Variants in SLC16A12 observed in about 807,000 individuals in gnomAD.
SLC16A12 encodes solute carrier family 16 member 12, also known as monocarboxylate transporter 12.
SLC16A12 carries 17 observed loss-of-function variants against 42.4 expected under a neutral mutation model. That is an observed-to-expected ratio of 0.40 (90% CI 0.27 to 0.60). The LOEUF (loss-of-function observed/expected upper bound fraction) is 0.60. Ranked by LOEUF, SLC16A12 falls within the 20% of genes least tolerant of loss-of-function variation. The pLI is 0.42. For missense variants in SLC16A12, 544 were observed against 623.0 expected, an observed-to-expected ratio of 0.87 and a Z score of 1.35; for synonymous variants, 224 against 229.4, an observed-to-expected ratio of 0.98 and a Z score of 0.21.
At chr10:89,497,014 T>C (rs1842929820) in intron 2 of SLC16A12, among the ~76,000 whole-genome samples, 1 of 152,148 alleles carries the variant, frequency 6.6e-6, no homozygotes, top group Admixed American at 6.5e-5. Flanking sequence ...ATCAGAGAAA[T>C]ACAGTTTTAA....
At chr10:89,506,011 A>C (rs758628638) in intron 2 of SLC16A12, among the ~76,000 whole-genome samples, 1 of 152,164 alleles carries the variant, frequency 6.6e-6, no homozygotes, top group Admixed American at 6.5e-5. Context: ...AGCAAGGCCA[A>C]CTGTCTCTCT....
intron 2 of SLC16A12, among the ~76,000 whole-genome samples, chr10:89,503,722 C>G (rs951468492): frequency 6.6e-6 from 1 of 152,118 alleles, no homozygotes; most frequent in Non-Finnish European, 1.5e-5. Context: ...TGAGAAGAGA[C>G]TGGAAAGAAA....
chr10:89,502,640 T>C (rs1340662521), intron 2 of SLC16A12, among the ~76,000 whole-genome samples: 2 of 152,208 alleles, frequency 1.3e-5, no homozygotes, highest in Non-Finnish European at 2.9e-5. Context: ...GCCTTGAGCC[T>C]TGAGGACTAT....
At chr10:89,447,996 T>C (rs2133707411) in intron 3 of SLC16A12, among the ~76,000 whole-genome samples, 1 of 151,668 alleles carries the variant, frequency 6.6e-6, no homozygotes, top group African/African-American at 2.4e-5. Context: ...TCTATGCAAA[T>C]AAACTAGAAA....
Position 89,438,613 on chromosome 10 carries a change from G to C in SLC16A12, c.1019C>G (p.Thr340Ser). 1 of 1,613,616 alleles carries C rather than the reference G, an allele frequency of 6.2e-7. No homozygotes were observed. Among genetic ancestry groups the C allele is most frequent in the Non-Finnish European group, 8.5e-7 (1 of 1,179,822 alleles). Residue 340 changes from threonine to serine, a missense_variant, in exon 6 of 8, where the codon ACC (threonine) becomes AGC (serine). Transcript: ENST00000371790. ...GTTTCATGAATTTTACCTTCTGTCG[G>C]TCAGCCATCCAAATGTGATATTGCC... ...IIGNITFGWL[T>S]DRRCLKNYQY...
At chr10:89,445,955 C>T (rs887610030) in intron 3 of SLC16A12, among the ~76,000 whole-genome samples, 23 of 152,074 alleles carry the variant, frequency 1.5e-4, no homozygotes, top group East Asian at 7.7e-4. Context: ...AACTACGTGA[C>T]GCATACACAA....
intron 2 of SLC16A12, among the ~76,000 whole-genome samples, chr10:89,465,882 C>A (rs1388763362): frequency 6.6e-6 from 1 of 152,142 alleles, no homozygotes; most frequent in Non-Finnish European, 1.5e-5. Context: ...GGAGAGAAGT[C>A]CTCTGGGAAA....
chr10:89,494,287 G>T (rs912389138), intron 2 of SLC16A12, among the ~76,000 whole-genome samples: 8 of 152,202 alleles, frequency 5.3e-5, no homozygotes, highest in Non-Finnish European at 8.8e-5. Flanking sequence ...TTGTTTTGGA[G>T]TGACATTTGG....
rs553802226 is a variant in SLC16A12 at position 89,529,706 on chromosome 10, C to T, written c.-47+4795G>A. Among the ~76,000 whole-genome samples, 5 of 152,230 alleles carry T rather than the reference C, an allele frequency of 3.3e-5. No homozygotes were observed. The East Asian group carries it at 9.7e-4, about 29-fold the overall frequency. On this transcript the variant is annotated intron_variant, in intron 2 of 7. Transcript: ENST00000371790. ...GGGATTACAGGCACGTGCCACCACG[C>T]CCAGCTAATTTTTGTATTTTTAGTA... is the stretch of plus-strand genomic sequence containing the variant.
intron 2 of SLC16A12, among the ~76,000 whole-genome samples, chr10:89,479,238 T>C (rs572263817): frequency 4.3e-4 from 65 of 152,292 alleles, no homozygotes; most frequent in African/African-American, 1.5e-3. Flanking sequence ...CACTTTTCGC[T>C]GTAAGAGGGG....
At chr10:89,474,954 G>T (rs1043858258) in intron 2 of SLC16A12, among the ~76,000 whole-genome samples, 4 of 152,188 alleles carry the variant, frequency 2.6e-5, no homozygotes, top group Non-Finnish European at 5.9e-5. Context: ...TGGCCTTTAA[G>T]CTGCGTCTTG....
At chr10:89,491,926 A>C (rs1346188599) in intron 2 of SLC16A12, among the ~76,000 whole-genome samples, 1 of 152,248 alleles carries the variant, frequency 6.6e-6, no homozygotes, top group African/African-American at 2.4e-5. Context: ...CATACACAAA[A>C]GGGAGAAAAA....
Position 89,486,603 on chromosome 10 carries a change from AAAAGAAAGAAAGAAAGAAAG to A in SLC16A12, c.-46-23999_-46-23980del, listed in dbSNP as rs141642264. Among the ~76,000 whole-genome samples the A allele has an allele frequency of 7.8e-3, 552 of 70,404 alleles. 17 individuals are homozygous for A. The highest frequency in any genetic ancestry group is 0.027 in the African/African-American group (505 of 18,988). The allele number at this position is 70,404 out of a possible 152,430, so 46.2% of individuals were successfully genotyped here. A position where few individuals can be genotyped will look rare whatever the true frequency, so the allele number is the denominator to read the frequency against. ...TGAAACCTTGTCTCAAAAAAAAAAA[AAAAGAAAGAAAGAAAGAAAG>A]AAAGAAAGAAAGAAAGAAAGAAAGA... On this transcript the variant is annotated intron_variant, in intron 2 of 7. Transcript: ENST00000371790.
chr10:89,476,038 C>A lies in SLC16A12; in HGVS notation c.-46-13414G>T, dbSNP rs551688378. Among the ~76,000 whole-genome samples the A allele has an allele frequency of 4.3e-4, 66 of 152,314 alleles. No individual in the cohort carries two copies. The South Asian group carries it at 0.013, about 31-fold the overall frequency. On this transcript the variant is annotated intron_variant, in intron 2 of 7. Coordinates refer to ENST00000371790, the MANE Select transcript of SLC16A12 (RefSeq NM_213606.4). The stretch of plus-strand genomic sequence containing the variant: ...CTGCAGTAATAGGGTTCTGGTATAA[C>A]ATTGGGTGTAGTGTCTGGCATAAAG...
At chr10:89,483,041 AC>A (rs1842691507) in intron 2 of SLC16A12, among the ~76,000 whole-genome samples, 1 of 152,212 alleles carries the variant, frequency 6.6e-6, no homozygotes, top group African/African-American at 2.4e-5. Context: ...CTAGAAGTCC[AC>A]GATTAAGGTG....
intron 2 of SLC16A12, among the ~76,000 whole-genome samples, chr10:89,520,595 G>T (rs567031611): frequency 6.6e-6 from 1 of 152,078 alleles, no homozygotes; most frequent in Non-Finnish European, 1.5e-5. Flanking sequence ...AAAAGCACAC[G>T]TACACTTGTG....
chr10:89,531,042 C>T (rs1017008761), intron 2 of SLC16A12, among the ~76,000 whole-genome samples: 1 of 152,036 alleles, frequency 6.6e-6, no homozygotes, highest in Non-Finnish European at 1.5e-5. Flanking sequence ...ATATAGCGAT[C>T]AACTTAGTTT....
intron 2 of SLC16A12, among the ~76,000 whole-genome samples, chr10:89,530,822 ACTCT>A (rs1843539131): frequency 6.6e-6 from 1 of 151,630 alleles, no homozygotes; most frequent in Non-Finnish European, 1.5e-5. Context: ...ATCATCAGTC[ACTCT>A]CTATTTCCCC....
chr10:89,536,904 T>C (rs1201491113), upstream of SLC16A12, among the ~76,000 whole-genome samples: 1 of 151,672 alleles, frequency 6.6e-6, no homozygotes, highest in Non-Finnish European at 1.5e-5. Context: ...GTGGTGCGAT[T>C]TTGGCTCACT....
Sources: allele counts gnomAD v4.1 joint callset (sites outside exome capture counted in the v4.1 genomes callset), GRCh38; gene constraint gnomAD v4.1.1; transcripts MANE v1.5; gene names NCBI Gene and HGNC (gene_info 2026-07-23, HGNC 2026-07-21).